Variants in TGFB2 observed in about 807,000 individuals in gnomAD.
TGFB2 encodes the protein transforming growth factor beta 2.
Under a neutral mutation model 42.7 loss-of-function variants are expected in TGFB2, and 13 were observed. The observed-to-expected ratio is 0.30, with a 90% CI of 0.20 to 0.48. The LOEUF is 0.48. Among genes scored for constraint, TGFB2 ranks in the 20% least tolerant of loss-of-function variants. TGFB2 has a pLI of 0.99. For synonymous variants in TGFB2, 193 were observed against 193.6 expected (o/e 1.00, Z 0.03); for missense variants, 390 against 517.5 (o/e 0.75, Z 2.39).
intron 1 of TGFB2, among the ~76,000 whole-genome samples, chr1:218,379,222 T>A (rs1418014698): frequency 1.3e-5 from 2 of 148,820 alleles, no homozygotes; most frequent in Non-Finnish European, 3.0e-5. Context: ...AAGCTCCGCC[T>A]CCCGGGTTCA....
chr1:218,399,426 T>C lies in TGFB2; in HGVS notation c.347-5743T>C, dbSNP rs7517802. On this transcript the variant is annotated intron_variant, in intron 1 of 6. Coordinates refer to ENST00000366930, the MANE Select transcript of TGFB2 (RefSeq NM_003238.6). ...ACAAAAATTAAAAATTAAAAAAAAT[T>C]AGTACATATAAAAACCGAAGAAATC... is the stretch of plus-strand genomic sequence containing the variant. Among the ~76,000 whole-genome samples the C allele has an allele frequency of 3.3e-5, 5 of 152,164 alleles. No homozygotes were observed. In the East Asian group the frequency reaches 9.7e-4, roughly 29 times the overall value.
chr1:218,428,972 CT>C (rs34950123), intron 2 of TGFB2, among the ~76,000 whole-genome samples: 3,199 of 95,800 alleles, frequency 0.033, 37 homozygotes, highest in East Asian at 0.13. Context: ...CCATGAGCAT[CT>C]TTTTTTTTTT....
intron 1 of TGFB2, 71 bp downstream of exon 1, chr1:218,347,118 C>G (rs765741912): frequency 9.4e-6 from 13 of 1,387,050 alleles, no homozygotes; most frequent in Non-Finnish European, 1.3e-5. Flanking sequence ...CGCAGCAGCT[C>G]CCGGGATCGC....
intron 1 of TGFB2, among the ~76,000 whole-genome samples, chr1:218,368,326 G>T (rs570488361): frequency 9.2e-5 from 14 of 151,428 alleles, no homozygotes; most frequent in Non-Finnish European, 1.8e-4. Context: ...TAGTAGAGAC[G>T]GGGTTTCACC....
At chr1:218,433,908 T>A (rs535161709) in intron 2 of TGFB2, among the ~76,000 whole-genome samples, 174 bp from the exon 3 acceptor site, 1 of 152,322 alleles carries the variant, frequency 6.6e-6, no homozygotes, top group East Asian at 1.9e-4. Context: ...TCATGGCAAA[T>A]AGCCTGGTGT....
chr1:218,371,779 G>A (rs1558232162), intron 1 of TGFB2, among the ~76,000 whole-genome samples: 1 of 152,224 alleles, frequency 6.6e-6, no homozygotes, highest in Non-Finnish European at 1.5e-5. Context: ...CTGTTTGCCA[G>A]AAGGAGCATG....
chr1:218,378,269 C>T (rs1271745589), intron 1 of TGFB2, among the ~76,000 whole-genome samples: 1 of 152,184 alleles, frequency 6.6e-6, no homozygotes, highest in Non-Finnish European at 1.5e-5. Flanking sequence ...CTCCGCCTCC[C>T]GGGTTCATGT....
chr1:218,390,560 G>A (rs938650296), intron 1 of TGFB2, among the ~76,000 whole-genome samples: 1 of 152,086 alleles, frequency 6.6e-6, no homozygotes, highest in Non-Finnish European at 1.5e-5. Flanking sequence ...AACTATAGGG[G>A]CTTGCTCTCA....
At chr1:218,353,084 G>GA (rs1430325425) in intron 1 of TGFB2, among the ~76,000 whole-genome samples, 2 of 152,082 alleles carry the variant, frequency 1.3e-5, no homozygotes, top group Non-Finnish European at 2.9e-5. Context: ...GTGCCACTAA[G>GA]AAAAAAATAT....
At chr1:218,408,729 AAG>A (rs2102598777) in intron 2 of TGFB2, among the ~76,000 whole-genome samples, 1 of 152,300 alleles carries the variant, frequency 6.6e-6, no homozygotes, top group South Asian at 2.1e-4. Flanking sequence ...ACTGAATTAA[AAG>A]AGGAGGGCTA....
At chr1:218,397,205 T>C (rs1658546665) in intron 1 of TGFB2, among the ~76,000 whole-genome samples, 1 of 148,818 alleles carries the variant, frequency 6.7e-6, no homozygotes, top group Non-Finnish European at 1.5e-5. Flanking sequence ...GAGGCGGAGG[T>C]TGCAGTGAGC....
intron 1 of TGFB2, among the ~76,000 whole-genome samples, chr1:218,354,710 G>T (rs1656976811): frequency 6.6e-6 from 1 of 152,184 alleles, no homozygotes; most frequent in Admixed American, 6.5e-5. Context: ...TTGCCTTCTT[G>T]ATAAATGATG....
At chr1:218,430,946 G>A (rs10482787) in intron 2 of TGFB2, among the ~76,000 whole-genome samples, 3,605 of 152,284 alleles carry the variant, frequency 0.024, 57 homozygotes, top group Middle Eastern at 0.061. Context: ...TAGTCTCCAA[G>A]AATATGAGGG....
chr1:218,396,247 T>G (rs1454736767), intron 1 of TGFB2, among the ~76,000 whole-genome samples: 1 of 152,192 alleles, frequency 6.6e-6, no homozygotes, highest in East Asian at 1.9e-4. Context: ...ACAAGCATAT[T>G]AATAAGCCTA....
chr1:218,442,743 A>C lies in TGFB2; in HGVS notation c.*1381A>C, dbSNP rs146805202. 2.3e-4 allele frequency: 35 copies of C among 152,102 alleles called. No individual in the cohort carries two copies. The highest frequency in any genetic ancestry group is 4.4e-4 in the Non-Finnish European group (30 of 67,966). The allele number at this position is 152,102 out of a possible 1,614,324, so 9.4% of individuals were successfully genotyped here. ...CATCTTCCAAGCATCATTACTAACC[A>C]AGTCAGACGTTAACAAATTTTTATG... On this transcript the variant is annotated 3_prime_UTR_variant, in exon 7 of 7. Coordinates refer to ENST00000366930, the MANE Select transcript of TGFB2 (RefSeq NM_003238.6).
chr1:218,407,938 A>G (rs934149468), intron 2 of TGFB2, among the ~76,000 whole-genome samples: 1 of 152,244 alleles, frequency 6.6e-6, no homozygotes, highest in Non-Finnish European at 1.5e-5. Flanking sequence ...AAGCCAGATT[A>G]AGGGTAGCCA....
chr1:218,408,518 T>C (rs768063307), intron 2 of TGFB2, among the ~76,000 whole-genome samples: 32 of 152,108 alleles, frequency 2.1e-4, no homozygotes, highest in Non-Finnish European at 1.6e-4. Context: ...TATAAAATAA[T>C]AGCAATTTTT....
chr1:218,391,145 GATTAATAGAGGATGGGC>G (rs1197584439), intron 1 of TGFB2, among the ~76,000 whole-genome samples: 2 of 152,212 alleles, frequency 1.3e-5, no homozygotes, highest in Non-Finnish European at 2.9e-5. Flanking sequence ...TCAGAGTGCT[GATTAATAGAGGATGGGC>G]ATTCTGGGCT....
chr1:218,439,107 CA>C (rs5781035), intron 6 of TGFB2, among the ~76,000 whole-genome samples: 32,496 of 103,944 alleles, frequency 0.31, 3,490 homozygotes, highest in African/African-American at 0.42. Context: ...GATCCTGTCT[CA>C]AAAAAAAAAA....
Sources: allele counts gnomAD v4.1 joint callset (sites outside exome capture counted in the v4.1 genomes callset), GRCh38; gene constraint gnomAD v4.1.1; transcripts MANE v1.5; gene names NCBI Gene and HGNC (gene_info 2026-07-23, HGNC 2026-07-21).